Variants in KRTAP26-1 observed in about 807,000 individuals in gnomAD.
KRTAP26-1 encodes the protein keratin associated protein 26-1.
For synonymous variants in KRTAP26-1, 111 were observed against 103.3 expected, an observed-to-expected ratio of 1.07 and a Z score of -0.45; for missense variants, 273 against 260.9, an observed-to-expected ratio of 1.05 and a Z score of -0.32.
chr21:30,320,148 G>T lies in KRTAP26-1; in HGVS notation c.-113C>A. ...TATCCCTAGAAGGTGGTGCTTCTGC[G>T]TGCAGACTCTTCCTCTTGTTGTATG... On this transcript the variant is annotated 5_prime_UTR_variant, in exon 1 of 1. Transcript: ENST00000360542. The T allele has an allele frequency of 1.2e-6, 1 of 810,084 alleles. No homozygotes were observed. The highest frequency in any genetic ancestry group is 1.9e-6 in the Non-Finnish European group (1 of 522,478). The allele number at this position is 810,084 out of a possible 1,614,324, so 50.2% of individuals were successfully genotyped here.
chr21:30,319,784 A>C lies in KRTAP26-1; in HGVS notation c.252T>G (p.Thr84=). ...GGCAAGGCCTGGGCACGTAGTAAGC[A>C]GTGGAAGAACCGCAAGAGGTTTCAA... is the stretch of plus-strand genomic sequence containing the variant. ...GNLETSCGSS[T]AYYVPRPCQG... The change falls in exon 1 of 1, where the codon ACT becomes ACG. Residue 84 remains threonine, a synonymous_variant. Coordinates refer to ENST00000360542, the MANE Select transcript of KRTAP26-1 (RefSeq NM_203405.2). The C allele has an allele frequency of 1.2e-6, 2 of 1,613,864 alleles. No individual in the cohort carries two copies. The highest frequency in any genetic ancestry group is 1.7e-6 in the Non-Finnish European group (2 of 1,179,848).
Position 30,319,156 on chromosome 21 carries a change from G to C in KRTAP26-1, c.*247C>G, listed in dbSNP as rs1981609266. 3.0e-6 allele frequency: 1 copy of C among 328,886 alleles called. No homozygotes were observed. Among genetic ancestry groups the C allele is most frequent in the Non-Finnish European group, 5.6e-6 (1 of 179,326 alleles). The allele number at this position is 328,886 out of a possible 1,614,324, so 20.4% of individuals were successfully genotyped here. A position where few individuals can be genotyped will look rare whatever the true frequency, so the allele number is the denominator to read the frequency against. On this transcript the variant is annotated 3_prime_UTR_variant, in exon 1 of 1. Transcript: ENST00000360542. ...TTTGGACTTAATCGCATTTATTATAGTGCAAAACAAATACATTCTTCCCAG... is the reference window on the plus strand; with the variant it reads ...TTTGGACTTAATCGCATTTATTATACTGCAAAACAAATACATTCTTCCCAG...
In KRTAP26-1 at chr21:30,320,117, T is replaced by C. The variant is rs1443321709; in HGVS notation, c.-82A>G. The C allele has an allele frequency of 3.4e-6, 4 of 1,165,608 alleles. No homozygotes were observed. Among genetic ancestry groups the C allele is most frequent in the Non-Finnish European group, 4.8e-6 (4 of 841,570 alleles). The allele number at this position is 1,165,608 out of a possible 1,614,324, so 72.2% of individuals were successfully genotyped here. A position where few individuals can be genotyped will look rare whatever the true frequency, so the allele number is the denominator to read the frequency against. ...GTTCTGCCCTTCCTTAGCTTGACCC[T>C]TTATTTATCCCTAGAAGGTGGTGCT... On this transcript the variant is annotated 5_prime_UTR_variant, in exon 1 of 1. Coordinates refer to ENST00000360542, the MANE Select transcript of KRTAP26-1 (RefSeq NM_203405.2).
Position 30,319,489 on chromosome 21 carries a change from G to A in KRTAP26-1, c.547C>T (p.Leu183Phe), listed in dbSNP as rs749313180. 1.9e-6 allele frequency: 3 copies of A among 1,613,984 alleles called. No homozygotes were observed. Among genetic ancestry groups the A allele is most frequent in the Non-Finnish European group, 2.5e-6 (3 of 1,179,970 alleles). The change falls in exon 1 of 1, where the codon CTC (leucine) becomes TTC (phenylalanine). Residue 183 changes from leucine to phenylalanine, a missense_variant. Coordinates refer to ENST00000360542, the MANE Select transcript of KRTAP26-1 (RefSeq NM_203405.2). ...PQSLHVVSSS[L>F]RPLGPLFSGC... ...CTGAACAGAGGCCCCAGAGGTCTGA[G>A]GCTGCTGGACACAACGTGAAGACTT...
In KRTAP26-1 at chr21:30,319,246, G is replaced by C; in HGVS notation, c.*157C>G. ...TGATGTCAAGGAAAGATGAAAACAAGATAAAACATGCGAGAGAAGCAGCTT... is the reference window on the plus strand; with the variant it reads ...TGATGTCAAGGAAAGATGAAAACAACATAAAACATGCGAGAGAAGCAGCTT... On this transcript the variant is annotated 3_prime_UTR_variant, in exon 1 of 1. Transcript: ENST00000360542. 1.5e-6 allele frequency: 1 copy of C among 667,498 alleles called. No individual in the cohort carries two copies. The highest frequency in any genetic ancestry group is 2.4e-6 in the Non-Finnish European group (1 of 419,150). 41.3% of individuals were successfully genotyped at this position (667,498 alleles called of 1,614,324 possible).
In KRTAP26-1 at chr21:30,319,778, G is replaced by A. The variant is rs1413484828; in HGVS notation, c.258C>T (p.Tyr86=). The part of the protein sequence containing the change: ...LETSCGSSTA[Y]YVPRPCQGSS... ...TTCCTTGGCAAGGCCTGGGCACGTA[G>A]TAAGCAGTGGAAGAACCGCAAGAGG... is the stretch of plus-strand genomic sequence containing the variant. The change falls in exon 1 of 1, where the codon TAC becomes TAT. Residue 86 remains tyrosine (Y), a synonymous_variant. Transcript: ENST00000360542. The A allele has an allele frequency of 1.2e-6, 2 of 1,613,822 alleles. No individual in the cohort carries two copies. Among genetic ancestry groups the A allele is most frequent in the Non-Finnish European group, 1.7e-6 (2 of 1,179,926 alleles).
rs766339111 is a variant in KRTAP26-1 at position 30,319,795 on chromosome 21, C to T, written c.241G>A (p.Gly81Ser). The change falls in exon 1 of 1, where the codon GGT becomes AGT. Residue 81 changes from glycine (G) to serine (S), a missense_variant. Transcript: ENST00000360542. Reference sequence around the variant, plus strand: ...GGCACGTAGTAAGCAGTGGAAGAACCGCAAGAGGTTTCAAGATTGCCGGTC... The same window carrying T: ...GGCACGTAGTAAGCAGTGGAAGAACTGCAAGAGGTTTCAAGATTGCCGGTC... ...CETGNLETSCGSSTAYYVPRP... is the reference protein window; with the variant it reads ...CETGNLETSCSSSTAYYVPRP... 10 of 1,613,576 alleles carry T rather than the reference C, an allele frequency of 6.2e-6. No individual in the cohort carries two copies. Among genetic ancestry groups the T allele is most frequent in the East Asian group, 2.2e-5 (1 of 44,856 alleles).
Position 30,319,515 on chromosome 21 carries a change from T to G in KRTAP26-1, c.521A>C (p.Gln174Pro). ...QPSSCLAYRP[Q>P]SLHVVSSSLR... ...GCTGCTGGACACAACGTGAAGACTT[T>G]GAGGACGATAGGCCAAGCAACTCGA... The change falls in exon 1 of 1, where the codon CAA becomes CCA. Residue 174 changes from glutamine (Q) to proline (P), a missense_variant. Gln to Pro is a moderately conservative substitution (Grantham distance 76). Coordinates refer to ENST00000360542, the MANE Select transcript of KRTAP26-1 (RefSeq NM_203405.2). 6.2e-7 allele frequency: 1 copy of G among 1,613,762 alleles called. No individual in the cohort carries two copies. The highest frequency in any genetic ancestry group is 1.7e-5 in the Admixed American group (1 of 59,990).
At position 30,319,204 on chromosome 21, in the gene KRTAP26-1, T is replaced by C. The variant is rs966082405; in HGVS notation, c.*199A>G. On this transcript the variant is annotated 3_prime_UTR_variant, in exon 1 of 1. Transcript: ENST00000360542. ...CAGACCAGAGCAACATTGAATAGCATTGTAAACTAATTTTTTTGATGTCAA... is the reference window on the plus strand; with the variant it reads ...CAGACCAGAGCAACATTGAATAGCACTGTAAACTAATTTTTTTGATGTCAA... 3.8e-5 allele frequency: 19 copies of C among 494,416 alleles called. No homozygotes were observed. The highest frequency in any genetic ancestry group is 5.7e-5 in the African/African-American group (3 of 52,894). 30.6% of individuals were successfully genotyped at this position (494,416 alleles called of 1,614,324 possible). A position where few individuals can be genotyped will look rare whatever the true frequency, so the allele number is the denominator to read the frequency against.
At position 30,319,866 on chromosome 21, in the gene KRTAP26-1, T is replaced by C. The variant is rs1484677792; in HGVS notation, c.170A>G (p.Gln57Arg). ...QDHTWVTDNCQETCGEPTSCQ... is the reference protein window; with the variant it reads ...QDHTWVTDNCRETCGEPTSCQ... ...GCTGGTTGGTTCACCGCAGGTCTCT[T>C]GGCAGTTGTCTGTGACCCAGGTATG... The change falls in exon 1 of 1, where the codon CAA becomes CGA. Residue 57 changes from glutamine (Q) to arginine (R), a missense_variant. By Grantham distance (43) the Gln-to-Arg change is conservative. Coordinates refer to ENST00000360542, the MANE Select transcript of KRTAP26-1 (RefSeq NM_203405.2). 1 of 1,613,976 alleles carries C rather than the reference T, an allele frequency of 6.2e-7. No homozygotes were observed. Among genetic ancestry groups the C allele is most frequent in the Non-Finnish European group, 8.5e-7 (1 of 1,180,002 alleles).
Position 30,319,966 on chromosome 21 carries a change from G to A in KRTAP26-1, c.70C>T (p.Leu24Phe). Residue 24 changes from leucine to phenylalanine, a missense_variant, in exon 1 of 1, where the codon CTC (leucine) becomes TTC (phenylalanine). Leu to Phe is a conservative substitution (Grantham distance 22). Coordinates refer to ENST00000360542, the MANE Select transcript of KRTAP26-1 (RefSeq NM_203405.2). ...GTAGGGCAGAGGTCGATGGAGGTGA[G>A]AGGAATATGGCGGGAGGTTCTGAGA... The part of the protein sequence containing the change: ...GSLRTSRHIP[L>F]TSIDLCPTSV... 1 of 1,613,968 alleles carries A rather than the reference G, an allele frequency of 6.2e-7. No individual in the cohort carries two copies. Among genetic ancestry groups the A allele is most frequent in the South Asian group, 1.1e-5 (1 of 91,060 alleles).
Position 30,319,689 on chromosome 21 carries a change from C to T in KRTAP26-1, c.347G>A (p.Arg116Lys), listed in dbSNP as rs142883366. Residue 116 changes from arginine to lysine, a missense_variant, in exon 1 of 1, where the codon AGG becomes AAG. Transcript: ENST00000360542. ...SCLPVSCRPQ[R>K]YVSSGCRPLR... ...TGGACGACAGCCGCTGGACACATAC[C>T]TCTGTGGTCTACAGGATACTGGAAG... 3.2e-5 allele frequency: 51 copies of T among 1,613,946 alleles called. No homozygotes were observed. In the African/African-American group the frequency reaches 5.6e-4, roughly 18 times the overall value.
In KRTAP26-1 at chr21:30,320,022, T is replaced by A; in HGVS notation, c.14A>T (p.Asn5Ile). MSCP[N>I]YCSGNSNSGS... Reference sequence around the variant, plus strand: ...TGAGTTGGAGTTTCCCGAGCAGTAGTTGGGGCAAGACATAGTGAGGTTGTG... The same window carrying A: ...TGAGTTGGAGTTTCCCGAGCAGTAGATGGGGCAAGACATAGTGAGGTTGTG... The change falls in exon 1 of 1, where the codon AAC becomes ATC. Residue 5 changes from asparagine (N) to isoleucine (I), a missense_variant. Physicochemically the swap from Asn to Ile is moderately radical, Grantham distance 149 (BLOSUM62 -3). Transcript: ENST00000360542. The A allele has an allele frequency of 1.9e-6, 3 of 1,600,270 alleles. No homozygotes were observed. Among genetic ancestry groups the A allele is most frequent in the Non-Finnish European group, 2.6e-6 (3 of 1,172,424 alleles).
rs777967432 is a variant in KRTAP26-1 at position 30,320,014 on chromosome 21, A to G, written c.22T>C (p.Ser8Pro). 2 of 1,604,828 alleles carry G rather than the reference A, an allele frequency of 1.2e-6. No individual in the cohort carries two copies. The highest frequency in any genetic ancestry group is 2.2e-5 in the South Asian group (2 of 89,696). The change falls in exon 1 of 1, where the codon TCG (serine) becomes CCG (proline). Residue 8 changes from serine (S) to proline (P), a missense_variant. Transcript: ENST00000360542. MSCPNYC[S>P]GNSNSGSLRT... is the part of the protein sequence containing the mutation. ...AGAGATCCTGAGTTGGAGTTTCCCG[A>G]GCAGTAGTTGGGGCAAGACATAGTG...
At position 30,319,386 on chromosome 21, in the gene KRTAP26-1, C is replaced by T; in HGVS notation, c.*17G>A. The stretch of plus-strand genomic sequence containing the variant: ...TGCTCAGAGTGATTATTCACTGGAA[C>T]AAAGAAGCTGCTGGTTTCACAGTCC... On this transcript the variant is annotated 3_prime_UTR_variant, in exon 1 of 1. Coordinates refer to ENST00000360542, the MANE Select transcript of KRTAP26-1 (RefSeq NM_203405.2). 1.9e-6 allele frequency: 3 copies of T among 1,542,916 alleles called. No homozygotes were observed. Among genetic ancestry groups the T allele is most frequent in the Non-Finnish European group, 2.6e-6 (3 of 1,142,454 alleles).
chr21:30,319,319 C>G lies in KRTAP26-1; in HGVS notation c.*84G>C. 1.5e-6 allele frequency: 2 copies of G among 1,378,454 alleles called. No homozygotes were observed. Among genetic ancestry groups the G allele is most frequent in the Non-Finnish European group, 9.8e-7 (1 of 1,021,732 alleles). The allele number at this position is 1,378,454 out of a possible 1,614,324, so 85.4% of individuals were successfully genotyped here. A position where few individuals can be genotyped will look rare whatever the true frequency, so the allele number is the denominator to read the frequency against. ...ACTAAGAAACATCAGTTGCTACTAG[C>G]AAAGAAGCAAAAGTCCATGGAGTTT... On this transcript the variant is annotated 3_prime_UTR_variant, in exon 1 of 1. Transcript: ENST00000360542.
Position 30,319,559 on chromosome 21 carries a change from G to A in KRTAP26-1, c.477C>T (p.Leu159=). 1.9e-6 allele frequency: 3 copies of A among 1,613,982 alleles called. No individual in the cohort carries two copies. Among genetic ancestry groups the A allele is most frequent in the South Asian group, 2.2e-5 (2 of 91,074 alleles). The part of the protein sequence containing the change: ...LSKSCQPQNL[L]TSGCQPSSCL... ...AACTCGAGGGTTGGCATCCAGAAGT[G>A]AGGAGGTTTTGGGGCTGGCAACTCT... Residue 159 remains leucine, a synonymous_variant, in exon 1 of 1, where the codon CTC becomes CTT. Coordinates refer to ENST00000360542, the MANE Select transcript of KRTAP26-1 (RefSeq NM_203405.2).
Position 30,320,004 on chromosome 21 carries a change from G to T in KRTAP26-1, c.32C>A (p.Ser11Tyr). 1 of 1,608,694 alleles carries T rather than the reference G, an allele frequency of 6.2e-7. No homozygotes were observed. Among genetic ancestry groups the T allele is most frequent in the Non-Finnish European group, 8.5e-7 (1 of 1,176,906 alleles). MSCPNYCSGNSNSGSLRTSRH... is the reference protein window; with the variant it reads MSCPNYCSGNYNSGSLRTSRH... ...GGAGGTTCTGAGAGATCCTGAGTTG[G>T]AGTTTCCCGAGCAGTAGTTGGGGCA... The change falls in exon 1 of 1, where the codon TCC (serine) becomes TAC (tyrosine). Residue 11 changes from serine to tyrosine, a missense_variant. Physicochemically the swap from Ser to Tyr is moderately radical, Grantham distance 144. Transcript: ENST00000360542.
In KRTAP26-1 at chr21:30,319,469, C is replaced by T; in HGVS notation, c.567G>A (p.Leu189=). The T allele has an allele frequency of 6.2e-7, 1 of 1,613,930 alleles. No homozygotes were observed. The highest frequency in any genetic ancestry group is 8.5e-7 in the Non-Finnish European group (1 of 1,179,922). ...GGGTCAGAGGTTGGCAACCACTGAA[C>T]AGAGGCCCCAGAGGTCTGAGGCTGC... ...VSSSLRPLGP[L]FSGCQPLTHV... Residue 189 remains leucine (L), a synonymous_variant, in exon 1 of 1, where the codon CTG becomes CTA. Coordinates refer to ENST00000360542, the MANE Select transcript of KRTAP26-1 (RefSeq NM_203405.2).
Sources: allele counts gnomAD v4.1 joint callset, GRCh38; gene constraint gnomAD v4.1.1; transcripts MANE v1.5; gene names NCBI Gene and HGNC (gene_info 2026-07-23, HGNC 2026-07-21).